AHCTF1: variants seen among roughly 807,000 people sequenced by gnomAD.
The protein encoded by AHCTF1 is protein ELYS.
Under a neutral mutation model 248.4 loss-of-function variants are expected in AHCTF1, and 24 were observed. The observed-to-expected ratio is 0.10, with a 90% confidence interval of 0.07 to 0.14. The LOEUF (loss-of-function observed/expected upper bound fraction) is 0.14, where lower values mean the gene tolerates loss of function less well. Among genes scored for constraint, AHCTF1 ranks in the 10% least tolerant of loss-of-function variants. AHCTF1 has a pLI of 1.00. For synonymous variants in AHCTF1, 786 were observed against 929.8 expected, an observed-to-expected ratio of 0.85 and a Z score of 2.81; for missense variants, 2,206 against 2,636.2, an observed-to-expected ratio of 0.84 and a Z score of 3.57.
At position 246,918,150 on chromosome 1, in the gene AHCTF1, G is replaced by C. The variant is rs1278874218; in HGVS notation, c.121+100C>G. ...ACATATTTAAGATCACTCAGGTTCT[G>C]CTTTTTCTTCTTCCACATAAAGAAA... On this transcript the variant is annotated intron_variant, in intron 2 of 35. Transcript: ENST00000648844. 2.7e-6 allele frequency: 3 copies of C among 1,125,356 alleles called. No homozygotes were observed. The African/African-American group carries it at 4.8e-5, about 18-fold the overall frequency. The allele number at this position is 1,125,356 out of a possible 1,614,324, so 69.7% of individuals were successfully genotyped here. A position where few individuals can be genotyped will look rare whatever the true frequency, so the allele number is the denominator to read the frequency against.
chr1:246,903,837 CAAAAAAA>C, intron 7 of AHCTF1, 105 bp downstream of exon 7: 1 of 623,778 alleles, frequency 1.6e-6, no homozygotes, highest in Admixed American at 3.6e-5. Flanking sequence ...GACTCTGTCT[CAAAAAAA>C]AAAAAAAAAA....
intron 1 of AHCTF1, among the ~76,000 whole-genome samples, chr1:246,924,246 T>C (rs1232338835): frequency 6.6e-6 from 1 of 152,350 alleles, no homozygotes; most frequent in Non-Finnish European, 1.5e-5. Context: ...AGAACTACTA[T>C]AAATTTAACA....
At chr1:246,876,365 C>A (rs1042412930) in intron 23 of AHCTF1, among the ~76,000 whole-genome samples, 178 bp from the exon 24 acceptor site, 1 of 152,090 alleles carries the variant, frequency 6.6e-6, no homozygotes, top group Non-Finnish European at 1.5e-5. Flanking sequence ...CAATCCTTAC[C>A]CATCAATAAA....
At chr1:246,853,768 G>A (rs115165967) in intron 31 of AHCTF1, among the ~76,000 whole-genome samples, 321 of 152,234 alleles carry the variant, frequency 2.1e-3, no homozygotes, top group Non-Finnish European at 3.4e-3. Context: ...ATCCTTTAGT[G>A]TTTAACAACA....
intron 35 of AHCTF1, among the ~76,000 whole-genome samples, chr1:246,842,029 G>A (rs939073304): frequency 8.8e-5 from 13 of 147,272 alleles, no homozygotes; most frequent in African/African-American, 2.8e-4. Context: ...CTCCTGACTC[G>A]TGATCCACCC....
intron 3 of AHCTF1, among the ~76,000 whole-genome samples, chr1:246,915,620 T>C (rs1056451070): frequency 6.6e-6 from 1 of 152,254 alleles, no homozygotes; most frequent in Non-Finnish European, 1.5e-5. Flanking sequence ...GCTAGTCTTA[T>C]TCATTTGTCT....
At chr1:246,883,858 T>C (rs192572159) in intron 21 of AHCTF1, among the ~76,000 whole-genome samples, 3 of 152,324 alleles carry the variant, frequency 2.0e-5, no homozygotes, top group East Asian at 3.9e-4. Context: ...GTTTGTTTAC[T>C]ATATGGCAAA....
In AHCTF1 at chr1:246,863,953, G is replaced by T; in HGVS notation, c.3511C>A (p.His1171Asn). Residue 1171 changes from histidine to asparagine, a missense_variant, in exon 27 of 36, where the codon CAT becomes AAT. This residue lies in a region of AHCTF1 where 955 missense variants were observed against 1,055.6 expected (regional missense o/e 0.90). Coordinates refer to ENST00000648844, the MANE Select transcript of AHCTF1 (RefSeq NM_001323342.2). ...PQAISRASEL[H>N]LLETPLVVKK... is the part of the protein sequence containing the mutation. ...ACTACAAGAGGAGTTTCAAGCAAAT[G>T]TAATTCTGAAGCCCTGGAGATGGCC... 6.2e-7 allele frequency: 1 copy of T among 1,614,018 alleles called. No homozygotes were observed.
intron 5 of AHCTF1, among the ~76,000 whole-genome samples, chr1:246,906,796 G>C (rs1665426019): frequency 6.6e-6 from 1 of 152,120 alleles, no homozygotes; most frequent in South Asian, 2.1e-4. Flanking sequence ...ATTATATTTT[G>C]GGGACTTTTT....
At position 246,900,145 on chromosome 1, in the gene AHCTF1, T is replaced by G. The variant is rs773828178; in HGVS notation, c.1352A>C (p.His451Pro). 1.2e-6 allele frequency: 2 copies of G among 1,610,284 alleles called. No homozygotes were observed. The highest frequency in any genetic ancestry group is 1.7e-6 in the Non-Finnish European group (2 of 1,179,282). Residue 451 changes from histidine (H) to proline (P), a missense_variant, in exon 10 of 36, where the codon CAT becomes CCT. By Grantham distance (77) the His-to-Pro change is moderately conservative (BLOSUM62 -2). Transcript: ENST00000648844. ...GACTCCTCTATTTAAACTTCTCTCA[T>G]GTACTAATATATCCAAGATGCCATG... Reference protein sequence around the residue: ...SPHGILDILVHERSLNRGVPP... With the variant: ...SPHGILDILVPERSLNRGVPP...
Position 246,877,083 on chromosome 1 carries a change from T to TA in AHCTF1, c.2806-3dup. The TA allele has an allele frequency of 6.2e-7, 1 of 1,612,200 alleles. No homozygotes were observed. The highest frequency in any genetic ancestry group is 8.5e-7 in the Non-Finnish European group (1 of 1,179,920). On this transcript the variant is annotated splice_region_variant and splice_polypyrimidine_tract_variant and intron_variant, in intron 22 of 35. Transcript: ENST00000648844. ...CTGCAAAAATTTCACTAAACATTCC[T>TA]AAAAAGAACAAAATAGATTGTAAAC...
At chr1:246,858,656 C>T (rs933874975) in intron 29 of AHCTF1, among the ~76,000 whole-genome samples, 1 of 151,748 alleles carries the variant, frequency 6.6e-6, no homozygotes, top group Non-Finnish European at 1.5e-5. Context: ...GGTGAAACCC[C>T]GCCTCTAATA....
At chr1:246,887,094 T>C in intron 20 of AHCTF1, 117 bp downstream of exon 20, 1 of 1,187,486 alleles carries the variant, frequency 8.4e-7, no homozygotes, top group South Asian at 1.7e-5. Context: ...AACTGGGTCC[T>C]TCCTCAACTA....
chr1:246,888,037 CA>C, intron 19 of AHCTF1, 139 bp downstream of exon 19: 1 of 886,100 alleles, frequency 1.1e-6, no homozygotes, highest in South Asian at 1.8e-5. Flanking sequence ...GCCCAAACAA[CA>C]GATCCTGGGT....
At chr1:246,906,473 T>C (rs1190824118) in intron 5 of AHCTF1, among the ~76,000 whole-genome samples, 2 of 151,924 alleles carry the variant, frequency 1.3e-5, no homozygotes, top group Admixed American at 1.3e-4. Flanking sequence ...TCCCAGCTAC[T>C]TGGGAGGCTG....
At chr1:246,869,316 C>T (rs1394153568) in intron 24 of AHCTF1, among the ~76,000 whole-genome samples, 1 of 152,136 alleles carries the variant, frequency 6.6e-6, no homozygotes, top group Non-Finnish European at 1.5e-5. Flanking sequence ...ATATCCAAAG[C>T]CAACTAATAA....
Position 246,861,230 on chromosome 1 carries a change from A to G in AHCTF1, c.3801T>C (p.Thr1267=), listed in dbSNP as rs892122334. 8.7e-6 allele frequency: 14 copies of G among 1,613,240 alleles called. No homozygotes were observed. The highest frequency in any genetic ancestry group is 2.2e-5 in the South Asian group (2 of 90,952). Residue 1267 remains threonine, a synonymous_variant, in exon 29 of 36, where the codon ACT becomes ACC. Coordinates refer to ENST00000648844, the MANE Select transcript of AHCTF1 (RefSeq NM_001323342.2). ...TPKKCAVPVE[T]EWLKSKDRTT... ...TCCTATCTTTGCTCTTCAGCCATTC[A>G]GTTTCCACTGGAACTGCACATTTTT... is the stretch of plus-strand genomic sequence containing the variant.
At position 246,876,054 on chromosome 1, in the gene AHCTF1, G is replaced by A. The variant is rs1232135452; in HGVS notation, c.3071C>T (p.Ser1024Leu). The change falls in exon 24 of 36, where the codon TCA becomes TTA. Residue 1024 changes from serine to leucine, a missense_variant. Ser to Leu is a moderately radical substitution (Grantham distance 145, BLOSUM62 -2). Transcript: ENST00000648844. ...ERAKPYHLST[S>L]SVFRLVSRPK... Reference sequence around the variant, plus strand: ...ATTCTTACCTAATCGAAAAACTGATGATGTTGACAGATGATAAGGCTTAGC... The same window carrying A: ...ATTCTTACCTAATCGAAAAACTGATAATGTTGACAGATGATAAGGCTTAGC... The A allele has an allele frequency of 6.3e-7, 1 of 1,595,282 alleles. No individual in the cohort carries two copies. The highest frequency in any genetic ancestry group is 2.2e-5 in the East Asian group (1 of 44,660).
chr1:246,865,857 A>G (rs991889765), intron 26 of AHCTF1, among the ~76,000 whole-genome samples: 5 of 152,140 alleles, frequency 3.3e-5, no homozygotes, highest in Admixed American at 6.6e-5. Context: ...TTCAGAACTA[A>G]CCTTTTCTGA....
Sources: gnomAD v4.1 joint callset for allele counts (sites outside exome capture counted in the v4.1 genomes callset) on GRCh38, gnomAD v4.1.1 for gene constraint, gnomAD v4.1.1 regional missense constraint, MANE v1.5 for transcripts, NCBI Gene and HGNC (gene_info 2026-07-23, HGNC 2026-07-21) for gene names.